The following ARHGAP12 variants were observed in gnomAD, a reference collection of about 807,000 sequenced individuals.
ARHGAP12 encodes rho GTPase-activating protein 12.
Under a neutral mutation model 108.6 loss-of-function variants are expected in ARHGAP12, and 64 were observed. That is an observed-to-expected ratio of 0.59 (90% CI 0.48 to 0.73). The LOEUF (loss-of-function observed/expected upper bound fraction) is 0.73, where lower values mean the gene tolerates loss of function less well. ARHGAP12 is among the 30% of genes least tolerant of loss of function. ARHGAP12 has a pLI of 0.00. For missense variants in ARHGAP12, 940 were observed against 1,005.9 expected, an observed-to-expected ratio of 0.93 and a Z score of 0.89; for synonymous variants, 312 against 337.2, an observed-to-expected ratio of 0.93 and a Z score of 0.82.
At chr10:31,906,706 C>T (rs1349921494) in intron 3 of ARHGAP12, among the ~76,000 whole-genome samples, 1 of 152,048 alleles carries the variant, frequency 6.6e-6, no homozygotes, top group Non-Finnish European at 1.5e-5. Context: ...GTTAAGGCCC[C>T]AGGAGAAGTT....
At chr10:31,924,375 G>A in intron 1 of ARHGAP12, among the ~76,000 whole-genome samples, 1 of 152,100 alleles carries the variant, frequency 6.6e-6, no homozygotes, top group Non-Finnish European at 1.5e-5. Flanking sequence ...TGTAAGAACG[G>A]AAAGAGAAAA....
chr10:31,826,559 G>T (rs1835618465), intron 10 of ARHGAP12, among the ~76,000 whole-genome samples, 174 bp from the exon 11 acceptor site: 1 of 152,076 alleles, frequency 6.6e-6, no homozygotes, highest in Non-Finnish European at 1.5e-5. Context: ...TCATTTTATG[G>T]TTCAAACCTG....
rs188761331 is a variant in ARHGAP12 at position 31,835,719 on chromosome 10, T to C, written c.1386+3586A>G. 2.2e-3 allele frequency among the ~76,000 whole-genome samples: 332 copies of C among 152,274 alleles called. 2 individuals carry two copies. The highest frequency in any genetic ancestry group is 6.8e-3 in the Middle Eastern group (2 of 294). ...GTGTAATAATAAGATTTTAAAAATA[T>C]AGAATAAGTAAACTTGCACAATTGT... On this transcript the variant is annotated intron_variant, in intron 9 of 19. Coordinates refer to ENST00000344936, the MANE Select transcript of ARHGAP12 (RefSeq NM_018287.7).
intron 3 of ARHGAP12, among the ~76,000 whole-genome samples, chr10:31,873,305 A>G (rs910783018): frequency 2.0e-5 from 3 of 152,232 alleles, no homozygotes; most frequent in Non-Finnish European, 2.9e-5. Flanking sequence ...CATCAGAAAT[A>G]CTTTATCTAT....
intron 1 of ARHGAP12, among the ~76,000 whole-genome samples, chr10:31,914,717 G>A (rs1839485054): frequency 6.6e-6 from 1 of 152,054 alleles, no homozygotes; most frequent in African/African-American, 2.4e-5. Flanking sequence ...TTGCCATAAT[G>A]GAAAACAATA....
chr10:31,843,609 A>T, intron 6 of ARHGAP12, 23 bp from the exon 7 acceptor site: 1 of 1,568,034 alleles, frequency 6.4e-7, no homozygotes, highest in Non-Finnish European at 8.6e-7. Flanking sequence ...AAAGCAAAAA[A>T]CACAAAAAAC....
intron 3 of ARHGAP12, among the ~76,000 whole-genome samples, chr10:31,891,827 C>T (rs992315809): frequency 1.3e-5 from 2 of 152,078 alleles, no homozygotes; most frequent in African/African-American, 4.8e-5. Flanking sequence ...TCATTTCATT[C>T]ATTTGATCCT....
chr10:31,822,174 CCCA>C (rs145771671), intron 11 of ARHGAP12, among the ~76,000 whole-genome samples: 102 of 152,186 alleles, frequency 6.7e-4, no homozygotes, highest in African/African-American at 2.4e-3. Flanking sequence ...AATCAACCTC[CCCA>C]CCAATGTATT....
At chr10:31,855,895 T>A (rs1836869009) in intron 4 of ARHGAP12, among the ~76,000 whole-genome samples, 1 of 152,208 alleles carries the variant, frequency 6.6e-6, no homozygotes, top group Non-Finnish European at 1.5e-5. Flanking sequence ...GGCTTTAAGA[T>A]CTGGATATCT....
chr10:31,873,964 C>G (rs1837631199), intron 3 of ARHGAP12, among the ~76,000 whole-genome samples: 2 of 152,302 alleles, frequency 1.3e-5, no homozygotes, highest in African/African-American at 4.8e-5. Flanking sequence ...TTATAAATCT[C>G]CCTCCCTGGG....
intron 19 of ARHGAP12, among the ~76,000 whole-genome samples, 178 bp from the exon 20 acceptor site, chr10:31,808,010 C>A (rs1279997500): frequency 2.0e-5 from 3 of 152,120 alleles, no homozygotes; most frequent in Non-Finnish European, 4.4e-5. Flanking sequence ...GTGAAGCTTT[C>A]TTTTTGATAA....
Position 31,908,809 on chromosome 10 carries a change from T to C in ARHGAP12, c.47A>G (p.Tyr16Cys). ...RSGKIIPGQVYIEVEYDYEYE... is the reference protein window; with the variant it reads ...RSGKIIPGQVCIEVEYDYEYE... ...TTCATAATCATATTCCACCTCAATA[T>C]ACACTTGTCCTGGAATAATCTTCCC... Residue 16 changes from tyrosine to cysteine, a missense_variant, in exon 3 of 20, where the codon TAT becomes TGT. By Grantham distance (194) the Tyr-to-Cys change is radical (BLOSUM62 -2). Coordinates refer to ENST00000344936, the MANE Select transcript of ARHGAP12 (RefSeq NM_018287.7). 3 of 1,606,646 alleles carry C rather than the reference T, an allele frequency of 1.9e-6. No individual in the cohort carries two copies. Among genetic ancestry groups the C allele is most frequent in the Non-Finnish European group, 1.7e-6 (2 of 1,179,558 alleles).
At chr10:31,896,095 G>T (rs913126297) in intron 3 of ARHGAP12, among the ~76,000 whole-genome samples, 1 of 151,960 alleles carries the variant, frequency 6.6e-6, no homozygotes, top group Non-Finnish European at 1.5e-5. Flanking sequence ...GTTGTGGGGT[G>T]GGGGGAGCGG....
At chr10:31,831,968 C>T (rs1039183543) in intron 9 of ARHGAP12, among the ~76,000 whole-genome samples, 168 bp from the exon 10 acceptor site, 15 of 152,126 alleles carry the variant, frequency 9.9e-5, no homozygotes, top group Non-Finnish European at 2.1e-4. Context: ...TATAACTTTC[C>T]TAATACTTTT....
intron 3 of ARHGAP12, among the ~76,000 whole-genome samples, chr10:31,885,835 TTTAA>T (rs935563970): frequency 6.7e-6 from 1 of 149,500 alleles, no homozygotes; most frequent in Non-Finnish European, 1.5e-5. Context: ...AAAAAAAAAG[TTTAA>T]TTAAAAAAAC....
At chr10:31,859,697 C>CT (rs1241358752) in intron 4 of ARHGAP12, among the ~76,000 whole-genome samples, 1 of 152,020 alleles carries the variant, frequency 6.6e-6, no homozygotes, top group Non-Finnish European at 1.5e-5. Flanking sequence ...ATAATTTAGT[C>CT]TTTTTCCTAA....
intron 3 of ARHGAP12, among the ~76,000 whole-genome samples, chr10:31,866,765 G>C (rs1283688325): frequency 6.6e-6 from 1 of 152,106 alleles, no homozygotes; most frequent in African/African-American, 2.4e-5. Context: ...ATAGGCGTGA[G>C]CCACCATGCC....
chr10:31,849,604 G>A (rs758877808), intron 6 of ARHGAP12, among the ~76,000 whole-genome samples: 1 of 152,174 alleles, frequency 6.6e-6, no homozygotes. Context: ...AACAATCCAT[G>A]AAATAGTGAC....
At chr10:31,880,134 T>A (rs183115156) in intron 3 of ARHGAP12, among the ~76,000 whole-genome samples, 256 of 152,388 alleles carry the variant, frequency 1.7e-3, no homozygotes, top group Non-Finnish European at 1.3e-3. Flanking sequence ...AATGAGTACA[T>A]GAATAATTCA....
Sources: gnomAD v4.1 joint callset for allele counts (sites outside exome capture counted in the v4.1 genomes callset) on GRCh38, gnomAD v4.1.1 for gene constraint, MANE v1.5 for transcripts, NCBI Gene and HGNC (gene_info 2026-07-23, HGNC 2026-07-21) for gene names.